Variants in C3orf49 observed in about 807,000 individuals in gnomAD.
The protein encoded by C3orf49 is chromosome 3 open reading frame 49.
C3orf49 carries 27 observed loss-of-function variants against 13.3 expected under a neutral mutation model. The ratio of observed to expected loss-of-function variants is 2.02; its 90% confidence interval spans 1.49 to 2.79. The LOEUF is 2.79. Among genes scored for constraint, C3orf49 ranks in the 30% most tolerant of loss-of-function variants. The probability of loss-of-function intolerance (pLI) is 0.00; values close to 1 mark genes in which losing one functional copy is unlikely to be tolerated. For missense variants in C3orf49, 242 were observed against 134.2 expected, an observed-to-expected ratio of 1.80 and a Z score of -3.97; for synonymous variants, 87 against 47.6, an observed-to-expected ratio of 1.83 and a Z score of -3.40.
the C3orf49 span, among the ~76,000 whole-genome samples, chr3:63,813,546 C>CA: frequency 1.3e-5 from 2 of 151,974 alleles, no homozygotes; most frequent in Admixed American, 6.5e-5. Context: ...GCAATCAACA[C>CA]AAAAAACAAA....
chr3:63,819,539 G>A lies in C3orf49; in HGVS notation c.68G>A (p.Arg23Gln), dbSNP rs368701435. The A allele has an allele frequency of 2.1e-5, 15 of 703,164 alleles. No individual in the cohort carries two copies. The highest frequency in any genetic ancestry group is 4.0e-5 in the Admixed American group (2 of 49,984). 43.6% of individuals were successfully genotyped at this position (703,164 alleles called of 1,614,324 possible). The change falls in exon 1 of 7, where the codon CGA becomes CAA. Residue 23 changes from arginine to glutamine, a missense_variant. Arg to Gln is a conservative substitution (Grantham distance 43). Coordinates refer to ENST00000295896, the MANE Select transcript of C3orf49 (RefSeq NM_001355236.2). ...KIAYRKVGQC[R>Q]RFQQLKKKNG... ...GCCTACAGAAAAGTTGGACAGTGCCGAAGATTCCAGCAACTCAAGAAGAAA... is the reference window on the plus strand; with the variant it reads ...GCCTACAGAAAAGTTGGACAGTGCCAAAGATTCCAGCAACTCAAGAAGAAA...
intron 5 of C3orf49, among the ~76,000 whole-genome samples, chr3:63,833,097 CTTTT>C: frequency 7.4e-6 from 1 of 135,736 alleles, no homozygotes; most frequent in East Asian, 2.1e-4. Flanking sequence ...GCAAGACAAT[CTTTT>C]TTTTTTTTTT....
At chr3:63,824,576 C>A (rs551748760) in intron 2 of C3orf49, among the ~76,000 whole-genome samples, 1 of 152,112 alleles carries the variant, frequency 6.6e-6, no homozygotes, top group African/African-American at 2.4e-5. Flanking sequence ...CAGTGGCTCA[C>A]GTATGTAATC....
chr3:63,827,515 G>T, intron 2 of C3orf49, 86 bp from the exon 3 acceptor site: 1 of 599,238 alleles, frequency 1.7e-6, no homozygotes, highest in Non-Finnish European at 3.0e-6. Flanking sequence ...AAGTGATGCT[G>T]TCTTCTAAGA....
At chr3:63,803,691 T>C in the C3orf49 span, among the ~76,000 whole-genome samples, 1 of 152,246 alleles carries the variant, frequency 6.6e-6, no homozygotes, top group South Asian at 2.1e-4. Flanking sequence ...AACTCTGACC[T>C]TAGGGAATCT....
At chr3:63,839,176 T>G (rs964468082) in intron 5 of C3orf49, among the ~76,000 whole-genome samples, 1 of 152,222 alleles carries the variant, frequency 6.6e-6, no homozygotes, top group Non-Finnish European at 1.5e-5. Flanking sequence ...AACAACAGAA[T>G]GAGACTCTGT....
chr3:63,797,825 G>A, the C3orf49 span, among the ~76,000 whole-genome samples: 1 of 152,140 alleles, frequency 6.6e-6, no homozygotes, highest in African/African-American at 2.4e-5. Context: ...TTAACATGTA[G>A]AGTAGCAATG....
intron 5 of C3orf49, chr3:63,835,004 T>G: frequency 1.5e-6 from 1 of 683,570 alleles, no homozygotes. Flanking sequence ...TTCAAGAAAG[T>G]TGAACATGAG....
intron 5 of C3orf49, among the ~76,000 whole-genome samples, chr3:63,842,357 A>G (rs1701783036): frequency 6.6e-6 from 1 of 152,152 alleles, no homozygotes; most frequent in Non-Finnish European, 1.5e-5. Flanking sequence ...CTTATACACT[A>G]TTGGTGGAAT....
chr3:63,807,857 C>CAAAAAAAAAAAAAAA, the C3orf49 span, among the ~76,000 whole-genome samples: 2 of 32,230 alleles, frequency 6.2e-5, no homozygotes, highest in Non-Finnish European at 1.5e-4. Context: ...AACTTCATCT[C>CAAAAAAAAAAAAAAA]AAAAAAAAAA....
chr3:63,782,106 C>G, the C3orf49 span, among the ~76,000 whole-genome samples: 3 of 152,108 alleles, frequency 2.0e-5, no homozygotes, highest in Non-Finnish European at 4.4e-5. Context: ...GTTTTATAAA[C>G]TCCTTGATGA....
chr3:63,847,711 TG>T (rs34196118), intron 6 of C3orf49, among the ~76,000 whole-genome samples: 82,132 of 152,004 alleles, frequency 0.54, 23,418 homozygotes, highest in South Asian at 0.65. Context: ...CACTCCAGTC[TG>T]GGCAACAGAG....
the C3orf49 span, among the ~76,000 whole-genome samples, chr3:63,802,117 G>A: frequency 6.6e-6 from 1 of 152,322 alleles, no homozygotes; most frequent in African/African-American, 2.4e-5. Flanking sequence ...CCCCACTTAT[G>A]TTGCTCAATG....
At chr3:63,792,579 G>A in the C3orf49 span, among the ~76,000 whole-genome samples, 2 of 152,180 alleles carry the variant, frequency 1.3e-5, no homozygotes, top group Admixed American at 6.5e-5. Flanking sequence ...GACACTGGGA[G>A]CAACCCAGAA....
the C3orf49 span, among the ~76,000 whole-genome samples, chr3:63,793,762 C>T: frequency 4.6e-5 from 7 of 152,112 alleles, no homozygotes; most frequent in African/African-American, 1.2e-4. Context: ...ATCTTCCTAC[C>T]GCTAGAATAT....
chr3:63,798,095 A>G, the C3orf49 span, among the ~76,000 whole-genome samples: 1 of 152,156 alleles, frequency 6.6e-6, no homozygotes, highest in Non-Finnish European at 1.5e-5. Context: ...AGTGCAATGG[A>G]CAAATAATTG....
At chr3:63,817,661 T>C (rs1701340358), upstream of C3orf49, among the ~76,000 whole-genome samples, 1 of 152,050 alleles carries the variant, frequency 6.6e-6, no homozygotes. Context: ...TCTAACTCTT[T>C]CCCCACCCCC....
chr3:63,818,154 C>G (rs1482043338), upstream of C3orf49, among the ~76,000 whole-genome samples: 3 of 152,100 alleles, frequency 2.0e-5, no homozygotes. Flanking sequence ...ATTCCTGGGT[C>G]TCATTCCCTG....
intron 5 of C3orf49, chr3:63,838,214 T>A: frequency 1.1e-6 from 1 of 900,940 alleles, no homozygotes; most frequent in South Asian, 1.9e-5. Flanking sequence ...TATATCATCT[T>A]AGAATACACA....
Sources: allele counts gnomAD v4.1 joint callset (sites outside exome capture counted in the v4.1 genomes callset), GRCh38; gene constraint gnomAD v4.1.1; transcripts MANE v1.5; gene names NCBI Gene and HGNC (gene_info 2026-07-23, HGNC 2026-07-21).